The following ERAP1 variants were observed in gnomAD, a reference collection of about 807,000 sequenced individuals.
ERAP1 encodes the protein adipocyte-derived leucine aminopeptidase.
In ERAP1, 86 loss-of-function variants were observed where a neutral mutation model predicts 103.7. The ratio of observed to expected loss-of-function variants is 0.83; its 90% CI spans 0.70 to 0.99. The LOEUF (loss-of-function observed/expected upper bound fraction) is 0.99, where lower values mean the gene tolerates loss of function less well. ERAP1 is among the 50% of genes least tolerant of loss of function. The pLI is 0.00. For missense variants in ERAP1, 1,009 were observed against 1,128.4 expected, an observed-to-expected ratio of 0.89 and a Z score of 1.52; for synonymous variants, 398 against 402.4, an observed-to-expected ratio of 0.99 and a Z score of 0.13.
chr5:96,865,525 T>C, the ERAP1 span, among the ~76,000 whole-genome samples: 1 of 152,240 alleles, frequency 6.6e-6, no homozygotes, highest in East Asian at 1.9e-4. Context: ...AGATAGTTAA[T>C]TGTTCTCTAC....
chr5:96,917,466 A>C, the ERAP1 span: 2 of 1,610,028 alleles, frequency 1.2e-6, no homozygotes. Flanking sequence ...TTACAGGTGA[A>C]ACTATTTTTT....
downstream of ERAP1, chr5:96,774,047 AAT>A (rs1394733868): frequency 6.6e-6 from 1 of 152,416 alleles, no homozygotes; most frequent in Non-Finnish European, 1.5e-5. Context: ...ATCCATCAGA[AAT>A]AGTCATTATT....
chr5:96,783,818 TAC>T (rs3076640), intron 14 of ERAP1, 104 bp downstream of exon 14: 51,720 of 788,314 alleles, frequency 0.066, 974 homozygotes, highest in African/African-American at 0.17. Flanking sequence ...TATATAAAGA[TAC>T]ACACACACAC....
Position 96,774,782 on chromosome 5 carries a change from TA to T in ERAP1, c.*1613del. The T allele has an allele frequency of 1.0e-6, 1 of 984,608 alleles. No homozygotes were observed. The highest frequency in any genetic ancestry group is 1.2e-6 in the Non-Finnish European group (1 of 829,046). The allele number at this position is 984,608 out of a possible 1,614,324, so 61.0% of individuals were successfully genotyped here. ...TTATTAAACCATTCACTACAACAAATAAGTATAAAAATTCCAATTCCACTTT... is the reference window on the plus strand; with the variant it reads ...TTATTAAACCATTCACTACAACAAATAGTATAAAAATTCCAATTCCACTTT... On this transcript the variant is annotated 3_prime_UTR_variant, in exon 19 of 19. Transcript: ENST00000443439.
intron 5 of ERAP1, among the ~76,000 whole-genome samples, chr5:96,794,756 T>C (rs1777160724): frequency 6.6e-6 from 1 of 152,204 alleles, no homozygotes; most frequent in Admixed American, 6.5e-5. Flanking sequence ...ATGTAGCCTC[T>C]TCCCTCTGCT....
At chr5:96,899,097 C>T in the ERAP1 span, among the ~76,000 whole-genome samples, 1 of 152,144 alleles carries the variant, frequency 6.6e-6, no homozygotes, top group Non-Finnish European at 1.5e-5. Flanking sequence ...TTTTTTGTCA[C>T]ATCATGCTTA....
chr5:96,786,066 T>G, intron 12 of ERAP1, 95 bp from the exon 13 acceptor site: 1 of 1,203,224 alleles, frequency 8.3e-7, no homozygotes, highest in Non-Finnish European at 1.2e-6. Flanking sequence ...AGAGAAGAGT[T>G]TAATACTGAA....
At chr5:96,868,992 T>C in the ERAP1 span, among the ~76,000 whole-genome samples, 6 of 152,186 alleles carry the variant, frequency 3.9e-5, no homozygotes, top group Middle Eastern at 3.4e-3. Context: ...TTGGATTGTG[T>C]GATTTGCCTC....
chr5:96,924,052 A>G, the ERAP1 span, among the ~76,000 whole-genome samples: 1 of 152,208 alleles, frequency 6.6e-6, no homozygotes, highest in South Asian at 2.1e-4. Flanking sequence ...CATTTGATAA[A>G]TATTTGTCGG....
intron 17 of ERAP1, 76 bp from the exon 18 acceptor site, chr5:96,780,580 A>G (rs752347522): frequency 2.2e-5 from 25 of 1,141,682 alleles, no homozygotes; most frequent in Non-Finnish European, 3.0e-5. Context: ...CCTCCTATAT[A>G]TAATAGCTTT....
chr5:96,788,687 T>C lies in ERAP1; in HGVS notation c.1525-2A>G. ...ATCCACCCCTTCCTGATGCCAATGC[T>C]GGTGTGTACACAAAAAGGCAGACAC... On this transcript the variant is annotated splice_acceptor_variant, in intron 10 of 18. Coordinates refer to ENST00000443439, the MANE Select transcript of ERAP1 (RefSeq NM_001040458.3). LOFTEE classifies it high-confidence loss of function. 6.2e-7 allele frequency: 1 copy of C among 1,613,892 alleles called. No individual in the cohort carries two copies. The highest frequency in any genetic ancestry group is 8.5e-7 in the Non-Finnish European group (1 of 1,179,964).
intron 8 of ERAP1, among the ~76,000 whole-genome samples, chr5:96,791,541 T>A (rs1326559499): frequency 6.6e-6 from 1 of 152,196 alleles, no homozygotes; most frequent in Non-Finnish European, 1.5e-5. Context: ...CTCCAGCTTA[T>A]GCTGCAAAGA....
chr5:96,823,848 A>T, the ERAP1 span, among the ~76,000 whole-genome samples: 1 of 152,230 alleles, frequency 6.6e-6, no homozygotes, highest in Non-Finnish European at 1.5e-5. Flanking sequence ...ACTGCTTCTC[A>T]TTGGCATATT....
upstream of ERAP1, chr5:96,808,017 C>G (rs920118404): frequency 1.0e-6 from 1 of 985,418 alleles, no homozygotes; most frequent in Non-Finnish European, 1.2e-6. Context: ...CGGGGAAGCC[C>G]CTGGCTAAGG....
chr5:96,862,594 T>C, the ERAP1 span, among the ~76,000 whole-genome samples: 1 of 152,178 alleles, frequency 6.6e-6, no homozygotes, highest in African/African-American at 2.4e-5. Context: ...TGGTTATGAA[T>C]AAGGGGCATT....
the ERAP1 span, chr5:96,908,886 A>G: frequency 1.4e-6 from 2 of 1,421,476 alleles, no homozygotes; most frequent in African/African-American, 1.5e-5. Context: ...TCTCTATTTC[A>G]TATTTGTTTT....
the ERAP1 span, chr5:96,892,546 A>C: frequency 4.1e-6 from 6 of 1,449,448 alleles, no homozygotes; most frequent in Non-Finnish European, 3.8e-6. Context: ...AAATCATCTC[A>C]TTTACCTCTA....
chr5:96,862,572 C>T, the ERAP1 span, among the ~76,000 whole-genome samples: 5 of 152,142 alleles, frequency 3.3e-5, no homozygotes, highest in Non-Finnish European at 7.4e-5. Flanking sequence ...CAGAAACTCC[C>T]TGAAATTACA....
At chr5:96,882,844 C>A in the ERAP1 span, among the ~76,000 whole-genome samples, 1,083 of 152,252 alleles carry the variant, frequency 7.1e-3, 30 homozygotes, top group Admixed American at 0.05. Context: ...GACAGCTTCT[C>A]TTTTTTCCCT....
Sources: allele counts gnomAD v4.1 joint callset (sites outside exome capture counted in the v4.1 genomes callset), GRCh38; gene constraint gnomAD v4.1.1; transcripts MANE v1.5; gene names NCBI Gene and HGNC (gene_info 2026-07-23, HGNC 2026-07-21).